MACROD2: variants seen among roughly 807,000 people sequenced by gnomAD.
The protein encoded by MACROD2 is mono-ADP ribosylhydrolase 2, also known as ADP-ribose glycohydrolase MACROD2.
MACROD2 carries 36 observed loss-of-function variants against 70.4 expected under a neutral mutation model. The observed-to-expected ratio is 0.51, with a 90% confidence interval of 0.39 to 0.68. The LOEUF (loss-of-function observed/expected upper bound fraction) is 0.68. Ranked by LOEUF, MACROD2 falls within the 30% of genes least tolerant of loss-of-function variation. The pLI is 0.00. For missense variants in MACROD2, 496 were observed against 538.4 expected (o/e 0.92, Z 0.78); for synonymous variants, 172 against 178.8 (o/e 0.96, Z 0.30).
At chr20:14,735,366 C>T (rs1385142703) in intron 5 of MACROD2, among the ~76,000 whole-genome samples, 1 of 152,140 alleles carries the variant, frequency 6.6e-6, no homozygotes, top group African/African-American at 2.4e-5. Context: ...GAATGGCCAA[C>T]AAGCACATGA....
At chr20:14,018,189 A>G (rs1381686395) in intron 2 of MACROD2, among the ~76,000 whole-genome samples, 1 of 152,048 alleles carries the variant, frequency 6.6e-6, no homozygotes, top group Non-Finnish European at 1.5e-5. Flanking sequence ...CTTAATCAAT[A>G]CAGCTAAAGG....
rs146468360 is a variant in MACROD2 at position 15,022,583 on chromosome 20, T to A, written c.419-207357T>A. On this transcript the variant is annotated intron_variant, in intron 5 of 17. Transcript: ENST00000684519. ...CCCATTTAATCTTTAAATCAGACAT[T>A]CACAACAGAATTTTAGAGCATTCTT... Among the ~76,000 whole-genome samples, 343 of 152,312 alleles carry A rather than the reference T, an allele frequency of 2.3e-3. 1 individual carries two copies. Among genetic ancestry groups the A allele is most frequent in the African/African-American group, 8.0e-3 (331 of 41,564 alleles).
At chr20:15,230,507 T>A (rs2076951155) in intron 6 of MACROD2, among the ~76,000 whole-genome samples, 2 of 152,198 alleles carry the variant, frequency 1.3e-5, no homozygotes, top group South Asian at 4.1e-4. Context: ...TGCATTCTCA[T>A]GCTAGTGTCA....
chr20:14,136,556 A>G (rs1329888792), intron 3 of MACROD2, among the ~76,000 whole-genome samples: 2 of 152,180 alleles, frequency 1.3e-5, no homozygotes, highest in African/African-American at 2.4e-5. Context: ...TGCCTGGACC[A>G]GCAGCATTAG....
At chr20:15,484,762 G>T (rs1322330359) in intron 7 of MACROD2, among the ~76,000 whole-genome samples, 1 of 152,204 alleles carries the variant, frequency 6.6e-6, no homozygotes, top group East Asian at 1.9e-4. Flanking sequence ...AGCCCTGGAT[G>T]AATGGATCCC....
At chr20:14,505,086 T>C (rs2084954282) in intron 4 of MACROD2, among the ~76,000 whole-genome samples, 1 of 152,226 alleles carries the variant, frequency 6.6e-6, no homozygotes, top group Non-Finnish European at 1.5e-5. Context: ...CTAAGGATAC[T>C]TTCAGTTTAA....
chr20:15,469,564 G>T (rs2046938079), intron 7 of MACROD2, among the ~76,000 whole-genome samples: 2 of 152,150 alleles, frequency 1.3e-5, no homozygotes, highest in Admixed American at 6.5e-5. Flanking sequence ...TACAAAAGGG[G>T]CTGGAAGCAG....
At chr20:14,515,923 A>T (rs2085092644) in intron 4 of MACROD2, among the ~76,000 whole-genome samples, 1 of 150,312 alleles carries the variant, frequency 6.7e-6, no homozygotes, top group South Asian at 2.1e-4. Flanking sequence ...TCTACAGTGT[A>T]TACATAGATC....
Position 14,443,517 on chromosome 20 carries a change from G to C in MACROD2, c.272-49962G>C, listed in dbSNP as rs2084149887. Among the ~76,000 whole-genome samples, 2 of 151,912 alleles carry C rather than the reference G, an allele frequency of 1.3e-5. 1 individual carries two copies. The highest frequency in any genetic ancestry group is 4.1e-4 in the South Asian group (2 of 4,828). The stretch of plus-strand genomic sequence containing the variant: ...TCACTATGTTGGTCAGGCTGGTCTT[G>C]AACTCCCTACCTCAGGTGATCTGCC... On this transcript the variant is annotated intron_variant, in intron 3 of 17. Coordinates refer to ENST00000684519, the MANE Select transcript of MACROD2 (RefSeq NM_001351661.2).
At chr20:15,249,280 G>A (rs2077133229) in intron 6 of MACROD2, among the ~76,000 whole-genome samples, 1 of 152,196 alleles carries the variant, frequency 6.6e-6, no homozygotes, top group African/African-American at 2.4e-5. Flanking sequence ...GGAGCAGGGT[G>A]ACAGCCCAAG....
chr20:14,017,226 A>C (rs2148621404), intron 2 of MACROD2, among the ~76,000 whole-genome samples: 1 of 152,130 alleles, frequency 6.6e-6, no homozygotes. Context: ...CAAGCTAACA[A>C]TTTTTCGGGT....
chr20:15,619,630 TTGTAGTCTCCTG>T (rs903818160), intron 8 of MACROD2: 1 of 446,238 alleles, frequency 2.2e-6, no homozygotes, highest in Non-Finnish European at 3.9e-6. Context: ...TTTGGCCATG[TTGTAGTCTCCTG>T]AGGCAAAGTA....
At chr20:14,537,190 A>G (rs1164475180) in intron 4 of MACROD2, among the ~76,000 whole-genome samples, 2 of 152,188 alleles carry the variant, frequency 1.3e-5, no homozygotes, top group African/African-American at 2.4e-5. Context: ...TGAAAGCATT[A>G]TATGGTGTCC....
At chr20:14,919,065 C>T (rs577445490) in intron 5 of MACROD2, among the ~76,000 whole-genome samples, 5 of 152,230 alleles carry the variant, frequency 3.3e-5, no homozygotes, top group Admixed American at 6.5e-5. Flanking sequence ...TTGTGTTTTG[C>T]GGTGTTTATA....
intron 12 of MACROD2, among the ~76,000 whole-genome samples, chr20:15,946,156 C>A (rs1047143184): frequency 6.6e-6 from 1 of 152,148 alleles, no homozygotes; most frequent in Non-Finnish European, 1.5e-5. Flanking sequence ...TTCCTTAGAC[C>A]CTGCACGTGC....
chr20:15,028,973 A>G (rs753224867), intron 5 of MACROD2, among the ~76,000 whole-genome samples: 8 of 152,216 alleles, frequency 5.3e-5, no homozygotes, highest in Non-Finnish European at 1.2e-4. Flanking sequence ...GACCTTCCAC[A>G]TAATTCAGCA....
intron 8 of MACROD2, among the ~76,000 whole-genome samples, chr20:15,800,606 A>T (rs1027246568): frequency 6.6e-6 from 1 of 152,140 alleles, no homozygotes; most frequent in African/African-American, 2.4e-5. Flanking sequence ...CCCGTCCGGG[A>T]GGTGAGGGGC....
In MACROD2 at chr20:14,576,593, G is replaced by A. The variant is rs1408002736; in HGVS notation, c.301+83085G>A. ...GTCCCAAGTCAAGAATAAGCTAAACGACTTTGCCTTATTTGGATATAATTA... is the reference window on the plus strand; with the variant it reads ...GTCCCAAGTCAAGAATAAGCTAAACAACTTTGCCTTATTTGGATATAATTA... On this transcript the variant is annotated intron_variant, in intron 4 of 17. Transcript: ENST00000684519. 8.5e-5 allele frequency among the ~76,000 whole-genome samples: 13 copies of A among 152,098 alleles called. No individual in the cohort carries two copies. The South Asian group carries it at 1.7e-3, about 19-fold the overall frequency.
intron 5 of MACROD2, among the ~76,000 whole-genome samples, chr20:15,192,777 G>A (rs1036893129): frequency 6.6e-6 from 1 of 152,200 alleles, no homozygotes; most frequent in African/African-American, 2.4e-5. Flanking sequence ...ACATTTAGAG[G>A]ATAAACAGCA....
Sources: gnomAD v4.1 joint callset for allele counts (sites outside exome capture counted in the v4.1 genomes callset) on GRCh38, gnomAD v4.1.1 for gene constraint, MANE v1.5 for transcripts, NCBI Gene and HGNC (gene_info 2026-07-23, HGNC 2026-07-21) for gene names.